The following JAZF1 variants were observed in gnomAD, a reference collection of about 807,000 sequenced individuals.
JAZF1 encodes the protein JAZF zinc finger 1.
A neutral mutation model predicts 26.4 loss-of-function variants in JAZF1; 8 were observed. The ratio of observed to expected loss-of-function variants is 0.30; its 90% CI spans 0.18 to 0.55. The LOEUF (loss-of-function observed/expected upper bound fraction) is 0.55. Among genes scored for constraint, JAZF1 ranks in the 20% least tolerant of loss-of-function variants. JAZF1 has a pLI of 0.94. For synonymous variants in JAZF1, 126 were observed against 122.3 expected, an observed-to-expected ratio of 1.03 and a Z score of -0.20; for missense variants, 199 against 322.0, an observed-to-expected ratio of 0.62 and a Z score of 2.92.
intron 1 of JAZF1, among the ~76,000 whole-genome samples, chr7:28,004,685 C>T (rs964223225): frequency 3.9e-5 from 6 of 152,162 alleles, no homozygotes; most frequent in South Asian, 2.1e-4. Flanking sequence ...TGAAGTCTTG[C>T]TCTGTCCCTC....
chr7:27,847,656 T>C lies in JAZF1; in HGVS notation c.386-6789A>G, dbSNP rs577690123. Among the ~76,000 whole-genome samples, 15 of 152,286 alleles carry C rather than the reference T, an allele frequency of 9.8e-5. No homozygotes were observed. In the South Asian group the frequency reaches 3.1e-3, roughly 32 times the overall value. ...ATTTCATCACAGTACCATACTGTTTTGATTATCTTTGCTTTATAATTTTTA... is the reference window on the plus strand; with the variant it reads ...ATTTCATCACAGTACCATACTGTTTCGATTATCTTTGCTTTATAATTTTTA... On this transcript the variant is annotated intron_variant, in intron 3 of 4. Coordinates refer to ENST00000283928, the MANE Select transcript of JAZF1 (RefSeq NM_175061.4).
intron 1 of JAZF1, among the ~76,000 whole-genome samples, chr7:28,091,620 T>TAA (rs1357066354): frequency 1.4e-5 from 2 of 146,990 alleles, no homozygotes; most frequent in South Asian, 2.1e-4. Flanking sequence ...TATATATATA[T>TAA]AACATATATA....
chr7:28,081,919 C>T (rs532014619), intron 1 of JAZF1, among the ~76,000 whole-genome samples: 1 of 152,216 alleles, frequency 6.6e-6, no homozygotes, highest in South Asian at 2.1e-4. Context: ...AATCTATATA[C>T]CTGGATGATA....
chr7:28,054,975 C>G (rs1042222310), intron 1 of JAZF1, among the ~76,000 whole-genome samples: 1 of 152,062 alleles, frequency 6.6e-6, no homozygotes, highest in African/African-American at 2.4e-5. Flanking sequence ...GCAATGTGCT[C>G]TATCTCGATC....
At chr7:28,115,894 A>G (rs1352095638) in intron 1 of JAZF1, among the ~76,000 whole-genome samples, 1 of 151,412 alleles carries the variant, frequency 6.6e-6, no homozygotes, top group Non-Finnish European at 1.5e-5. Flanking sequence ...AGCATACTAT[A>G]TATGGTTCTA....
chr7:27,839,318 G>C (rs1782879108), intron 4 of JAZF1, among the ~76,000 whole-genome samples: 2 of 152,210 alleles, frequency 1.3e-5, no homozygotes, highest in Admixed American at 1.3e-4. Flanking sequence ...ACAGCTGGGG[G>C]AGACGCGGTG....
Position 28,167,898 on chromosome 7 carries a change from G to A in JAZF1, c.115+12565C>T, listed in dbSNP as rs374057030. Among the ~76,000 whole-genome samples the A allele has an allele frequency of 3.0e-4, 46 of 152,266 alleles. 2 individuals carry two copies. In the East Asian group the frequency reaches 5.6e-3, roughly 19 times the overall value. ...TAAGCTACTATTCTTTTCATTTTCT[G>A]TAGTTCAGATAGCTTCTTTGCAGGA... On this transcript the variant is annotated intron_variant, in intron 1 of 4. Transcript: ENST00000283928.
intron 3 of JAZF1, chr7:27,863,900 C>T (rs1783424307): frequency 6.6e-6 from 1 of 152,232 alleles, no homozygotes; most frequent in South Asian, 2.1e-4. Flanking sequence ...TGTCACATTT[C>T]TCTCTGCCAG....
chr7:28,116,241 T>C (rs1199488190), intron 1 of JAZF1, among the ~76,000 whole-genome samples: 1 of 152,206 alleles, frequency 6.6e-6, no homozygotes, highest in Non-Finnish European at 1.5e-5. Context: ...CTGGCCTTCA[T>C]GAGGGTTATG....
chr7:28,125,146 C>CTTTTTTTTTTTTTTTTTTTTTTTTTT, intron 1 of JAZF1, among the ~76,000 whole-genome samples: 1 of 136,158 alleles, frequency 7.3e-6, no homozygotes, highest in Non-Finnish European at 1.6e-5. Flanking sequence ...GGGAAGATTG[C>CTTTTTTTTTTTTTTTTTTTTTTTTTT]TTTTTTTTTT....
chr7:28,047,046 A>G (rs1050582103), intron 1 of JAZF1, among the ~76,000 whole-genome samples: 2 of 152,264 alleles, frequency 1.3e-5, no homozygotes, highest in African/African-American at 4.8e-5. Context: ...CTATAAAAAT[A>G]TATTTTCTTC....
intron 1 of JAZF1, among the ~76,000 whole-genome samples, chr7:28,149,397 C>T (rs554456801): frequency 6.6e-6 from 1 of 152,196 alleles, no homozygotes; most frequent in South Asian, 2.1e-4. Flanking sequence ...TTTTTTCCCT[C>T]TGAAGATCAA....
chr7:27,927,365 C>T (rs6968704), intron 2 of JAZF1, among the ~76,000 whole-genome samples: 54,103 of 152,024 alleles, frequency 0.36, 10,716 homozygotes, highest in East Asian at 0.91. Context: ...GGATGGGCTG[C>T]GAAACCTTTC....
At chr7:28,037,197 T>C (rs538719482) in intron 1 of JAZF1, among the ~76,000 whole-genome samples, 3 of 152,314 alleles carry the variant, frequency 2.0e-5, no homozygotes, top group South Asian at 4.1e-4. Flanking sequence ...ATAAATATTA[T>C]GTTTTCTTGC....
intron 3 of JAZF1, among the ~76,000 whole-genome samples, chr7:27,880,403 G>A (rs187691818): frequency 6.6e-6 from 1 of 152,262 alleles, no homozygotes; most frequent in Admixed American, 6.5e-5. Flanking sequence ...GGGAGGGTGA[G>A]GTGGGCGGAT....
At chr7:28,000,230 C>T (rs1418498277) in intron 1 of JAZF1, among the ~76,000 whole-genome samples, 12 of 152,092 alleles carry the variant, frequency 7.9e-5, no homozygotes, top group Admixed American at 5.9e-4. Flanking sequence ...TTGCAGCACC[C>T]CCCCGACCCC....
chr7:27,984,360 C>T (rs918486722), intron 2 of JAZF1, among the ~76,000 whole-genome samples: 1 of 152,098 alleles, frequency 6.6e-6, no homozygotes, highest in African/African-American at 2.4e-5. Context: ...ACAAAGAAGG[C>T]CATTACATAA....
chr7:28,076,420 C>T (rs1784052265), intron 1 of JAZF1, among the ~76,000 whole-genome samples: 1 of 151,914 alleles, frequency 6.6e-6, no homozygotes, highest in Non-Finnish European at 1.5e-5. Flanking sequence ...TGGGGTAAGG[C>T]CAAAGGTTCA....
At chr7:27,857,097 G>T (rs150531632) in intron 3 of JAZF1, among the ~76,000 whole-genome samples, 5,148 of 152,328 alleles carry the variant, frequency 0.034, 270 homozygotes, top group African/African-American at 0.12. Flanking sequence ...GGGCGCCGTG[G>T]AGCAGGGGGC....
Sources: gnomAD v4.1 joint callset for allele counts (sites outside exome capture counted in the v4.1 genomes callset) on GRCh38, gnomAD v4.1.1 for gene constraint, MANE v1.5 for transcripts, NCBI Gene and HGNC (gene_info 2026-07-23, HGNC 2026-07-21) for gene names.